The following F5 variants were observed in gnomAD, a reference collection of about 807,000 sequenced individuals.
F5 encodes the protein activated protein c cofactor.
F5 carries 138 observed loss-of-function variants against 216.4 expected under a neutral mutation model. The observed-to-expected ratio is 0.64, with a 90% CI of 0.56 to 0.73. F5 has a LOEUF of 0.73. F5 is among the 30% of genes least tolerant of loss of function. F5 has a pLI of 0.00. For missense variants in F5, 2,403 were observed against 2,674.0 expected, an observed-to-expected ratio of 0.90 and a Z score of 2.24; for synonymous variants, 916 against 930.7, an observed-to-expected ratio of 0.98 and a Z score of 0.29.
rs145706683 is a variant in F5, at chr1:169,518,602, T to C, written c.6194-39A>G. Reference sequence around the variant, plus strand: ...AGTAACGTGATTAATTACACACCAATATTCCCTGCATGGCTTCATGCACTG... The same window carrying C: ...AGTAACGTGATTAATTACACACCAACATTCCCTGCATGGCTTCATGCACTG... On this transcript the variant is annotated intron_variant, in intron 22 of 24. Transcript: ENST00000367797. 3.0e-4 allele frequency: 482 copies of C among 1,609,508 alleles called. 2 individuals carry two copies. The highest frequency in any genetic ancestry group is 8.3e-4 in the Middle Eastern group (5 of 6,048).
chr1:169,551,013 G>T (rs562385613), intron 8 of F5, among the ~76,000 whole-genome samples: 1 of 152,296 alleles, frequency 6.6e-6, no homozygotes, highest in Admixed American at 6.5e-5. Context: ...TTTCCTCACA[G>T]TATCACTCTC....
At chr1:169,523,379 G>C in intron 20 of F5, 27 bp from the exon 21 acceptor site, 1 of 1,613,564 alleles carries the variant, frequency 6.2e-7, no homozygotes, top group East Asian at 2.2e-5. Context: ...CCAGTAAACA[G>C]AACTGTCCTT....
chr1:169,567,260 C>T (rs959680463), intron 3 of F5, among the ~76,000 whole-genome samples: 2 of 151,978 alleles, frequency 1.3e-5, no homozygotes, highest in African/African-American at 4.8e-5. Context: ...GGAGGGATAG[C>T]ATTGGGAGAT....
rs1035433901 is a variant in F5 at position 169,544,644 on chromosome 1, G to T, written c.1763-136C>A. On this transcript the variant is annotated intron_variant, in intron 11 of 24. Coordinates refer to ENST00000367797, the MANE Select transcript of F5 (RefSeq NM_000130.5). ...GATTATCCAAGATAAGCTTTATCTA[G>T]TCTAACATGTGACTAGAAGATCAAA... 4.0e-6 allele frequency: 3 copies of T among 742,816 alleles called. No homozygotes were observed. The Admixed American group carries it at 6.3e-5, about 16-fold the overall frequency. The allele number at this position is 742,816 out of a possible 1,614,324, so 46.0% of individuals were successfully genotyped here. A position where few individuals can be genotyped will look rare whatever the true frequency, so the allele number is the denominator to read the frequency against.
At chr1:169,563,389 A>C (rs145835505) in intron 3 of F5, among the ~76,000 whole-genome samples, 148 of 152,204 alleles carry the variant, frequency 9.7e-4, no homozygotes, top group Middle Eastern at 3.4e-3. Context: ...GGAATTTTTC[A>C]GTCATTATTT....
intron 4 of F5, among the ~76,000 whole-genome samples, chr1:169,559,820 C>T (rs1426057037): frequency 6.6e-6 from 1 of 152,006 alleles, no homozygotes; most frequent in Non-Finnish European, 1.5e-5. Flanking sequence ...ATCACAGTAT[C>T]TTATATATAC....
chr1:169,550,620 T>C lies in F5; in HGVS notation c.1396+20A>G, dbSNP rs1304048531. The stretch of plus-strand genomic sequence containing the variant: ...CTCAGAAGTTACTAGTTGGATTCAG[T>C]AGAAGTGAAAGATTCAAACCTGAGG... On this transcript the variant is annotated intron_variant, in intron 9 of 24. Transcript: ENST00000367797. The C allele has an allele frequency of 6.9e-6, 11 of 1,585,998 alleles. No individual in the cohort carries two copies. Among genetic ancestry groups the C allele is most frequent in the Non-Finnish European group, 8.7e-6 (10 of 1,154,708 alleles).
At chr1:169,533,551 G>A (rs965955943) in intron 14 of F5, among the ~76,000 whole-genome samples, 14 of 151,870 alleles carry the variant, frequency 9.2e-5, no homozygotes, top group Admixed American at 5.9e-4. Flanking sequence ...TTGAACAAGC[G>A]AAATACAAAT....
At chr1:169,582,365 C>T in intron 2 of F5, 66 bp downstream of exon 2, 2 of 816,750 alleles carry the variant, frequency 2.4e-6, no homozygotes, top group Non-Finnish European at 3.9e-6. Context: ...ATTTTAGATG[C>T]ATGTGAATGC....
At chr1:169,567,203 T>C (rs1660621647) in intron 3 of F5, among the ~76,000 whole-genome samples, 1 of 151,772 alleles carries the variant, frequency 6.6e-6, no homozygotes, top group African/African-American at 2.4e-5. Flanking sequence ...ACTAATCTCA[T>C]CATGAGGGCT....
chr1:169,576,044 A>G (rs1293357253), intron 2 of F5, among the ~76,000 whole-genome samples: 1 of 152,104 alleles, frequency 6.6e-6, no homozygotes, highest in Non-Finnish European at 1.5e-5. Flanking sequence ...AGGGGCCATG[A>G]GCCCGTGAGT....
rs9332577 is a variant in F5, at chr1:169,557,023, C to CA, written c.731-157dup. ...CACTCCAGTTGTAGTTTGTGCCCTG[C>CA]AAAAGCAGACATCTGAGTGACCAGC... On this transcript the variant is annotated intron_variant, in intron 5 of 24. Transcript: ENST00000367797. 0.55 allele frequency among the ~76,000 whole-genome samples: 84,273 copies of CA among 151,932 alleles called. 24,060 individuals are homozygous for CA. Among genetic ancestry groups the CA allele is most frequent in the East Asian group, 0.87 (4,512 of 5,176 alleles).
At chr1:169,538,633 C>A (rs1453234875) in intron 13 of F5, among the ~76,000 whole-genome samples, 1 of 152,076 alleles carries the variant, frequency 6.6e-6, no homozygotes, top group Non-Finnish European at 1.5e-5. Flanking sequence ...GGAATACATG[C>A]AATAACCAGA....
chr1:169,555,411 A>G (rs1425364532), intron 6 of F5, 64 bp from the exon 7 acceptor site: 1 of 1,483,402 alleles, frequency 6.7e-7, no homozygotes, highest in African/African-American at 1.4e-5. Flanking sequence ...ATTGAAATGC[A>G]TATCCTTTAA....
chr1:169,555,142 C>T (rs1322566875), intron 7 of F5, 40 bp downstream of exon 7: 2 of 1,612,860 alleles, frequency 1.2e-6, no homozygotes, highest in Admixed American at 1.7e-5. Context: ...TGGAATGTGT[C>T]TTGAACCTTT....
chr1:169,515,401 A>G (rs1250850974), intron 24 of F5, 43 bp downstream of exon 24: 3 of 1,604,908 alleles, frequency 1.9e-6, no homozygotes, highest in East Asian at 4.5e-5. Flanking sequence ...TCATTATAGC[A>G]CAGTCTTCAG....
At chr1:169,524,139 T>C (rs1260466970) in intron 19 of F5, among the ~76,000 whole-genome samples, 1 of 152,180 alleles carries the variant, frequency 6.6e-6, no homozygotes. Flanking sequence ...CAGGTCATGT[T>C]TGATTTTTTC....
Position 169,555,261 on chromosome 1 carries a change from T to G in F5, c.1039A>C (p.Met347Leu), listed in dbSNP as rs1181211143. 1 of 1,614,150 alleles carries G rather than the reference T, an allele frequency of 6.2e-7. No homozygotes were observed. The highest frequency in any genetic ancestry group is 8.5e-7 in the Non-Finnish European group (1 of 1,180,016). The change falls in exon 7 of 25, where the codon ATG becomes CTG. Residue 347 changes from methionine (M) to leucine (L), a missense_variant. Around this residue, in one of 4 missense-constraint regions of F5, gnomAD observed 1,425 missense variants for 1,554.8 expected, o/e 0.92. Transcript: ENST00000367797. ...GCAATGAAGTATTCCCACCTCTTCATGTGCCGCCTCTGCTCACGAGTTATT... is the reference window on the plus strand; with the variant it reads ...GCAATGAAGTATTCCCACCTCTTCAGGTGCCGCCTCTGCTCACGAGTTATT... The part of the protein sequence containing the change: ...KKITREQRRH[M>L]KRWEYFIAAE...
In F5 at chr1:169,530,886, T is replaced by C. The variant is rs1433281334; in HGVS notation, c.5108A>G (p.Asn1703Ser). The C allele has an allele frequency of 6.8e-6, 11 of 1,613,864 alleles. No individual in the cohort carries two copies. The highest frequency in any genetic ancestry group is 1.6e-4 in the Middle Eastern group (1 of 6,082). Reference protein sequence around the residue: ...WFKEDNAVQPNSSYTYVWHAT... With the variant: ...WFKEDNAVQPSSSYTYVWHAT... ...ATGCCATACGTAGGTATAACTGCTATTTGGCTGAACAGCATTATCTTCCTT... is the reference window on the plus strand; with the variant it reads ...ATGCCATACGTAGGTATAACTGCTACTTGGCTGAACAGCATTATCTTCCTT... Residue 1703 changes from asparagine (N) to serine (S), a missense_variant, in exon 15 of 25, where the codon AAT becomes AGT. Physicochemically the swap from Asn to Ser is conservative, Grantham distance 46 (BLOSUM62 1). Transcript: ENST00000367797.
Sources: gnomAD v4.1 joint callset for allele counts (sites outside exome capture counted in the v4.1 genomes callset) on GRCh38, gnomAD v4.1.1 for gene constraint, gnomAD v4.1.1 regional missense constraint, MANE v1.5 for transcripts, NCBI Gene and HGNC (gene_info 2026-07-23, HGNC 2026-07-21) for gene names.